The following MECOM variants were observed in gnomAD, a reference collection of about 807,000 sequenced individuals.
The protein encoded by MECOM is histone-lysine N-methyltransferase MECOM.
MECOM carries 13 observed loss-of-function variants against 116.3 expected under a neutral mutation model. The ratio of observed to expected loss-of-function variants is 0.11; its 90% CI spans 0.07 to 0.18. MECOM has a LOEUF of 0.18. Among genes scored for constraint, MECOM ranks in the 10% least tolerant of loss-of-function variants. The pLI, the probability that MECOM is intolerant of heterozygous loss-of-function variation, is 1.00. For missense variants in MECOM, 1,299 were observed against 1,509.0 expected, an observed-to-expected ratio of 0.86 and a Z score of 2.31; for synonymous variants, 528 against 535.2, an observed-to-expected ratio of 0.99 and a Z score of 0.19.
intron 2 of MECOM, among the ~76,000 whole-genome samples, chr3:169,175,346 G>A (rs1488047917): frequency 6.6e-6 from 1 of 152,016 alleles, no homozygotes; most frequent in Non-Finnish European, 1.5e-5. Flanking sequence ...CCTTATATAG[G>A]TGGCTAAAAC....
intron 1 of MECOM, among the ~76,000 whole-genome samples, chr3:169,424,394 T>G (rs1451564714): frequency 6.6e-6 from 1 of 152,152 alleles, no homozygotes; most frequent in African/African-American, 2.4e-5. Flanking sequence ...TTTTCTGATC[T>G]GATTGGCAGT....
chr3:169,606,788 C>A (rs911772874), intron 1 of MECOM, among the ~76,000 whole-genome samples: 5 of 152,190 alleles, frequency 3.3e-5, no homozygotes, highest in African/African-American at 1.2e-4. Flanking sequence ...ACTTTCCCAC[C>A]TGCAGGAAGG....
intron 7 of MECOM, among the ~76,000 whole-genome samples, chr3:169,120,590 A>G (rs1393254628): frequency 6.6e-6 from 1 of 152,176 alleles, no homozygotes; most frequent in Non-Finnish European, 1.5e-5. Flanking sequence ...CTCTCCACAC[A>G]CATATACTCA....
At chr3:169,574,880 T>C (rs1351489460) in intron 1 of MECOM, among the ~76,000 whole-genome samples, 2 of 151,870 alleles carry the variant, frequency 1.3e-5, no homozygotes, top group Non-Finnish European at 2.9e-5. Flanking sequence ...ACACAAAACT[T>C]GTCACATTCA....
chr3:169,472,729 A>G (rs200085735), intron 1 of MECOM, among the ~76,000 whole-genome samples: 1 of 19,708 alleles, frequency 5.1e-5, no homozygotes, highest in Non-Finnish European at 8.4e-5. Context: ...GGGAGGGGGA[A>G]GGAAGGAAGG....
At chr3:169,511,494 G>A (rs1022105157) in intron 1 of MECOM, among the ~76,000 whole-genome samples, 2 of 152,162 alleles carry the variant, frequency 1.3e-5, no homozygotes, top group Admixed American at 1.3e-4. Context: ...AGGTGCAGTG[G>A]CTCATGCCTG....
chr3:169,151,502 A>AT (rs1741165731), intron 2 of MECOM, among the ~76,000 whole-genome samples: 2 of 152,056 alleles, frequency 1.3e-5, no homozygotes, highest in African/African-American at 4.8e-5. Context: ...TTTTAACTCT[A>AT]TTTTTTTGTA....
intron 1 of MECOM, among the ~76,000 whole-genome samples, chr3:169,659,586 A>C (rs1776008730): frequency 6.6e-6 from 1 of 151,664 alleles, no homozygotes; most frequent in African/African-American, 2.4e-5. Flanking sequence ...CCTTCCTAGA[A>C]GGGGCCTCGG....
intron 1 of MECOM, among the ~76,000 whole-genome samples, chr3:169,619,914 G>C (rs1360691897): frequency 6.6e-6 from 1 of 152,228 alleles, no homozygotes; most frequent in Non-Finnish European, 1.5e-5. Flanking sequence ...CAGCACCCTG[G>C]TGTCCCCCTG....
chr3:169,548,184 C>A (rs533262321), intron 1 of MECOM, among the ~76,000 whole-genome samples: 39 of 152,020 alleles, frequency 2.6e-4, no homozygotes, highest in African/African-American at 9.2e-4. Flanking sequence ...GGAAGTCACA[C>A]ACACACAAAA....
At chr3:169,515,932 A>T (rs913147202) in intron 1 of MECOM, among the ~76,000 whole-genome samples, 6 of 152,222 alleles carry the variant, frequency 3.9e-5, no homozygotes, top group African/African-American at 1.4e-4. Context: ...ACTGGGGGGA[A>T]AATGCTGAAA....
In MECOM at chr3:169,183,863, TTTTTCTC is replaced by T. The variant is rs1238439692; in HGVS notation, c.376-40038_376-40032del. Among the ~76,000 whole-genome samples the T allele has an allele frequency of 5.4e-5, 8 of 147,680 alleles. 1 individual carries two copies. The highest frequency in any genetic ancestry group is 6.7e-5 in the Admixed American group (1 of 14,826). On this transcript the variant is annotated intron_variant, in intron 2 of 16. Coordinates refer to ENST00000651503, the MANE Select transcript of MECOM (RefSeq NM_004991.4). Reference sequence around the variant, plus strand: ...ACATACATATTTTTTTCTTTTTTCTTTTTTCTCTTTTTTTTTAGTGAGACGGAGTCTC... The same window carrying T: ...ACATACATATTTTTTTCTTTTTTCTTTTTTTTTTTAGTGAGACGGAGTCTC...
chr3:169,172,129 A>T (rs989219694), intron 2 of MECOM, among the ~76,000 whole-genome samples: 6 of 147,438 alleles, frequency 4.1e-5, no homozygotes, highest in Admixed American at 4.0e-4. Flanking sequence ...ATATGAAAAA[A>T]TACCAAAAAA....
chr3:169,488,096 A>C (rs1752621886), intron 1 of MECOM, among the ~76,000 whole-genome samples: 1 of 152,128 alleles, frequency 6.6e-6, no homozygotes, highest in African/African-American at 2.4e-5. Context: ...AAATGGACAA[A>C]TTCACAATTA....
At chr3:169,379,421 G>T (rs1273718239) in intron 2 of MECOM, among the ~76,000 whole-genome samples, 1 of 151,970 alleles carries the variant, frequency 6.6e-6, no homozygotes, top group African/African-American at 2.4e-5. Context: ...TTTTATAAAG[G>T]TGTCTTGAAT....
intron 2 of MECOM, among the ~76,000 whole-genome samples, chr3:169,285,729 C>T (rs370816042): frequency 1.3e-5 from 2 of 152,198 alleles, no homozygotes; most frequent in East Asian, 1.9e-4. Context: ...CTGCACAATC[C>T]GTAACAAAGT....
chr3:169,491,519 A>G (rs763850140), intron 1 of MECOM, among the ~76,000 whole-genome samples: 1 of 152,228 alleles, frequency 6.6e-6, no homozygotes, highest in Non-Finnish European at 1.5e-5. Context: ...ATCTCACAAT[A>G]ATCAAACATC....
intron 1 of MECOM, among the ~76,000 whole-genome samples, chr3:169,536,299 T>C (rs1759341875): frequency 6.6e-6 from 1 of 151,476 alleles, no homozygotes; most frequent in African/African-American, 2.4e-5. Flanking sequence ...GGACCATATC[T>C]GGTGTAAAAG....
At chr3:169,468,076 C>T (rs1748601978) in intron 1 of MECOM, among the ~76,000 whole-genome samples, 2 of 151,946 alleles carry the variant, frequency 1.3e-5, no homozygotes, top group South Asian at 4.2e-4. Context: ...AAAGACAAAC[C>T]TAACAGTCTT....
Sources: gnomAD v4.1 joint callset for allele counts (sites outside exome capture counted in the v4.1 genomes callset) on GRCh38, gnomAD v4.1.1 for gene constraint, MANE v1.5 for transcripts, NCBI Gene and HGNC (gene_info 2026-07-23, HGNC 2026-07-21) for gene names.